MACROD2: variants seen among roughly 807,000 people sequenced by gnomAD.
The protein encoded by MACROD2 is mono-ADP ribosylhydrolase 2.
A neutral mutation model predicts 70.4 loss-of-function variants in MACROD2; 36 were observed. That is an observed-to-expected ratio of 0.51 (90% CI 0.39 to 0.68). MACROD2 has a LOEUF of 0.68. MACROD2 is among the 30% of genes least tolerant of loss of function. The probability of loss-of-function intolerance (pLI) is 0.00; values close to 1 mark genes in which losing one functional copy is unlikely to be tolerated. For missense variants in MACROD2, 496 were observed against 538.4 expected, an observed-to-expected ratio of 0.92 and a Z score of 0.78; for synonymous variants, 172 against 178.8, an observed-to-expected ratio of 0.96 and a Z score of 0.30.
intron 3 of MACROD2, among the ~76,000 whole-genome samples, chr20:14,383,535 C>T (rs1369181626): frequency 3.3e-5 from 5 of 152,234 alleles, no homozygotes; most frequent in East Asian, 1.9e-4. Flanking sequence ...AGAGGACTGA[C>T]GATGCTAGCC....
At chr20:15,865,720 T>C (rs1355220863) in intron 9 of MACROD2, among the ~76,000 whole-genome samples, 1 of 152,156 alleles carries the variant, frequency 6.6e-6, no homozygotes, top group Non-Finnish European at 1.5e-5. Context: ...AAGGCATTTA[T>C]TACTCACAAG....
intron 6 of MACROD2, among the ~76,000 whole-genome samples, chr20:15,318,651 G>A (rs529274172): frequency 6.6e-6 from 1 of 152,168 alleles, no homozygotes; most frequent in African/African-American, 2.4e-5. Context: ...TCACAGAAAT[G>A]CCAGAGTCAT....
At chr20:16,001,250 A>C (rs1433684249) in intron 15 of MACROD2, among the ~76,000 whole-genome samples, 4 of 152,178 alleles carry the variant, frequency 2.6e-5, no homozygotes, top group Non-Finnish European at 5.9e-5. Context: ...TTTTTCATCG[A>C]TTTCACCATG....
chr20:14,984,291 T>A (rs1298570348), intron 5 of MACROD2, among the ~76,000 whole-genome samples: 1 of 152,204 alleles, frequency 6.6e-6, no homozygotes, highest in Non-Finnish European at 1.5e-5. Flanking sequence ...CCCTGGGATG[T>A]TCTTGGGCGG....
chr20:15,196,143 G>A (rs1021575966), intron 5 of MACROD2, among the ~76,000 whole-genome samples: 8 of 152,210 alleles, frequency 5.3e-5, no homozygotes, highest in South Asian at 2.1e-4. Flanking sequence ...TAATAGCTAG[G>A]TGATTAGGTG....
chr20:14,505,271 G>C (rs1276433976), intron 4 of MACROD2, among the ~76,000 whole-genome samples: 1 of 152,156 alleles, frequency 6.6e-6, no homozygotes, highest in East Asian at 1.9e-4. Flanking sequence ...AGCTTTGGAA[G>C]GCAGCAGCAG....
chr20:14,117,065 CAAA>C (rs11470818), intron 3 of MACROD2, among the ~76,000 whole-genome samples: 3,431 of 131,084 alleles, frequency 0.026, 40 homozygotes, highest in African/African-American at 0.032. Flanking sequence ...GACTCCATCT[CAAA>C]AAAAAAAAAA....
chr20:14,223,506 CTTTT>C (rs11307206), intron 3 of MACROD2, among the ~76,000 whole-genome samples: 14 of 93,098 alleles, frequency 1.5e-4, no homozygotes, highest in Non-Finnish European at 9.0e-5. Flanking sequence ...CCTCTAAATT[CTTTT>C]TTTTTTTTTT....
At chr20:14,901,571 A>C (rs1260915458) in intron 5 of MACROD2, among the ~76,000 whole-genome samples, 1 of 152,146 alleles carries the variant, frequency 6.6e-6, no homozygotes. Context: ...TTTTTTTCCA[A>C]GTATTGGAAA....
chr20:14,541,047 A>G (rs113163744), intron 4 of MACROD2, among the ~76,000 whole-genome samples: 17 of 152,350 alleles, frequency 1.1e-4, no homozygotes, highest in African/African-American at 3.1e-4. Context: ...CAAAAAGTAT[A>G]CATCAAAAAT....
chr20:14,385,658 T>C (rs2083460859), intron 3 of MACROD2, among the ~76,000 whole-genome samples: 1 of 152,212 alleles, frequency 6.6e-6, no homozygotes, highest in African/African-American at 2.4e-5. Flanking sequence ...AAGCCAATTT[T>C]TAAGTGCATG....
At chr20:15,600,662 C>T (rs147875568) in intron 8 of MACROD2, among the ~76,000 whole-genome samples, 21 of 152,218 alleles carry the variant, frequency 1.4e-4, no homozygotes, top group Middle Eastern at 3.4e-3. Flanking sequence ...AGGAAGGTAA[C>T]GGCATTTTAA....
intron 3 of MACROD2, among the ~76,000 whole-genome samples, chr20:14,466,928 G>T (rs1168272555): frequency 6.6e-6 from 1 of 152,092 alleles, no homozygotes; most frequent in African/African-American, 2.4e-5. Context: ...GCTGTGTGAG[G>T]TGTCAGTCCG....
intron 8 of MACROD2, among the ~76,000 whole-genome samples, chr20:15,658,367 C>A (rs1383754846): frequency 6.6e-6 from 1 of 152,012 alleles, no homozygotes; most frequent in East Asian, 1.9e-4. Flanking sequence ...CTTGTCAGTC[C>A]TTCTCCTCGT....
At chr20:15,883,857 G>A (rs562043826) in intron 9 of MACROD2, among the ~76,000 whole-genome samples, 15 of 152,180 alleles carry the variant, frequency 9.9e-5, no homozygotes, top group African/African-American at 3.4e-4. Context: ...AGAAGACCTG[G>A]TCTCCATCTT....
chr20:15,408,114 G>A (rs1409594120), intron 6 of MACROD2, among the ~76,000 whole-genome samples: 2 of 152,196 alleles, frequency 1.3e-5, no homozygotes, highest in African/African-American at 2.4e-5. Flanking sequence ...GAATGTGCAG[G>A]CATTATGTAA....
intron 5 of MACROD2, among the ~76,000 whole-genome samples, chr20:15,047,776 T>G (rs1430716133): frequency 1.3e-5 from 2 of 152,104 alleles, no homozygotes; most frequent in African/African-American, 4.8e-5. Context: ...GTGATTAGGT[T>G]TCCTTTGCTT....
chr20:15,654,429 C>T (rs1327842551), intron 8 of MACROD2, among the ~76,000 whole-genome samples: 1 of 152,222 alleles, frequency 6.6e-6, no homozygotes, highest in Non-Finnish European at 1.5e-5. Context: ...GTTCAGAAGT[C>T]TACGTATTAG....
chr20:14,973,737 G>A (rs1460091990), intron 5 of MACROD2, among the ~76,000 whole-genome samples: 3 of 152,100 alleles, frequency 2.0e-5, no homozygotes, highest in African/African-American at 4.8e-5. Context: ...AATACTTAAT[G>A]TGTCCCCTCT....
Sources: allele counts gnomAD v4.1 joint callset (sites outside exome capture counted in the v4.1 genomes callset), GRCh38; gene constraint gnomAD v4.1.1; transcripts MANE v1.5; gene names NCBI Gene and HGNC (gene_info 2026-07-23, HGNC 2026-07-21).